Variants in DIS3L2 observed in about 807,000 individuals in gnomAD.
The protein encoded by DIS3L2 is DIS3 like 3'-5' exoribonuclease 2.
A neutral mutation model predicts 97.5 loss-of-function variants in DIS3L2; 34 were observed. The ratio of observed to expected loss-of-function variants is 0.35; its 90% CI spans 0.27 to 0.46. The LOEUF (loss-of-function observed/expected upper bound fraction) is 0.46, where lower values mean the gene tolerates loss of function less well. Among genes scored for constraint, DIS3L2 ranks in the 20% least tolerant of loss-of-function variants. The pLI is 1.00. For missense variants in DIS3L2, 1,038 were observed against 1,146.0 expected (o/e 0.91, Z 1.36); for synonymous variants, 435 against 445.2 (o/e 0.98, Z 0.29).
chr2:232,170,876 G>C (rs922663003), intron 9 of DIS3L2, among the ~76,000 whole-genome samples: 1 of 152,160 alleles, frequency 6.6e-6, no homozygotes, highest in African/African-American at 2.4e-5. Flanking sequence ...CCTTGAAATA[G>C]CAACTTGAAA....
At chr2:232,339,620 C>T (rs1396438280), downstream of DIS3L2, 2 of 428,148 alleles carry the variant, frequency 4.7e-6, no homozygotes, top group East Asian at 7.2e-5. Flanking sequence ...CTCTCCAGGC[C>T]ACTGCAGGGT....
chr2:232,258,513 G>A (rs1423889878), intron 12 of DIS3L2, among the ~76,000 whole-genome samples: 1 of 151,456 alleles, frequency 6.6e-6, no homozygotes, highest in East Asian at 1.9e-4. Context: ...GGACCCGGGA[G>A]GCGGAGGTTG....
intron 5 of DIS3L2, among the ~76,000 whole-genome samples, chr2:232,033,164 G>A (rs1435284677): frequency 3.9e-5 from 6 of 152,246 alleles, no homozygotes; most frequent in East Asian, 1.9e-4. Context: ...TTGAGCAGTC[G>A]TTTGTAGTTC....
rs777787889 is a variant in DIS3L2 at position 232,249,277 on chromosome 2, G to T, written c.1356G>T (p.Leu452=). ...TTCCCAGGCTGCTGTGTGAGGAGCTGTGCAGCCTCAACCCCATGTCCGACA... is the reference window on the plus strand; with the variant it reads ...TTCCCAGGCTGCTGTGTGAGGAGCTTTGCAGCCTCAACCCCATGTCCGACA... ...PMLPRLLCEE[L]CSLNPMSDKL... is the part of the protein sequence containing the mutation. The change falls in exon 12 of 21, where the codon CTG becomes CTT. Residue 452 remains leucine, a synonymous_variant. Transcript: ENST00000325385. 6.2e-7 allele frequency: 1 copy of T among 1,614,202 alleles called. No homozygotes were observed. The highest frequency in any genetic ancestry group is 1.1e-5 in the South Asian group (1 of 91,082).
At chr2:232,226,807 A>G (rs1692662254) in intron 10 of DIS3L2, among the ~76,000 whole-genome samples, 1 of 152,166 alleles carries the variant, frequency 6.6e-6, no homozygotes, top group Admixed American at 6.5e-5. Flanking sequence ...CGTCTCTACA[A>G]AGAATTAAAA....
At chr2:232,006,812 T>G (rs1694064980) in intron 1 of DIS3L2, among the ~76,000 whole-genome samples, 1 of 151,844 alleles carries the variant, frequency 6.6e-6, no homozygotes, top group Non-Finnish European at 1.5e-5. Flanking sequence ...AGGCCAAGGG[T>G]GAAGAATTTG....
rs934444474 is a variant in DIS3L2 at position 232,268,725 on chromosome 2, T to G, written c.1659+5285T>G. Among the ~76,000 whole-genome samples, 1 of 152,238 alleles carries G rather than the reference T, an allele frequency of 6.6e-6. No individual in the cohort carries two copies. Among genetic ancestry groups the G allele is most frequent in the Non-Finnish European group, 1.5e-5 (1 of 68,042 alleles). ...GTCATACAAAAGCAGGTTTGGCCTG[T>G]GGTCCATACTTTGCTGACCTCTGCT... is the stretch of plus-strand genomic sequence containing the variant. On this transcript the variant is annotated intron_variant, in intron 13 of 20. Coordinates refer to ENST00000325385, the MANE Select transcript of DIS3L2 (RefSeq NM_152383.5). This position sits in a 1 kb window ranked among gnomAD's most constrained non-coding sequence, Gnocchi z 4.1.
intron 13 of DIS3L2, among the ~76,000 whole-genome samples, chr2:232,278,158 A>G (rs187635548): frequency 6.6e-6 from 1 of 151,936 alleles, no homozygotes; most frequent in Non-Finnish European, 1.5e-5. Flanking sequence ...TTTGACTCGC[A>G]TTTGTTTTCC....
intron 6 of DIS3L2, among the ~76,000 whole-genome samples, chr2:232,107,846 A>G (rs1697396510): frequency 6.6e-6 from 1 of 152,202 alleles, no homozygotes. Flanking sequence ...CCAGGACTGA[A>G]CCAGGAAGAC....
chr2:232,044,887 C>T (rs1695196358), intron 5 of DIS3L2, among the ~76,000 whole-genome samples: 1 of 152,120 alleles, frequency 6.6e-6, no homozygotes, highest in South Asian at 2.1e-4. Context: ...GCCTCAGCCT[C>T]CCAAAATGCT....
At chr2:232,108,477 A>G (rs973447261) in intron 6 of DIS3L2, among the ~76,000 whole-genome samples, 1 of 152,144 alleles carries the variant, frequency 6.6e-6, no homozygotes, top group Non-Finnish European at 1.5e-5. Context: ...AGACAAGGTT[A>G]CTTGAAAACC....
At chr2:232,005,191 T>A (rs6760689) in intron 1 of DIS3L2, among the ~76,000 whole-genome samples, 14,618 of 143,596 alleles carry the variant, frequency 0.1, 1,743 homozygotes, top group African/African-American at 0.3. Flanking sequence ...TTTTTTTTTT[T>A]ATTTCACTAG....
chr2:232,155,912 C>T (rs1690481524), intron 8 of DIS3L2, among the ~76,000 whole-genome samples: 1 of 151,742 alleles, frequency 6.6e-6, no homozygotes, highest in Non-Finnish European at 1.5e-5. Flanking sequence ...ATGGTGTGAA[C>T]CCGGGAGGCG....
intron 13 of DIS3L2, among the ~76,000 whole-genome samples, chr2:232,280,534 G>A (rs2106300529): frequency 6.6e-6 from 1 of 152,318 alleles, no homozygotes; most frequent in Non-Finnish European, 1.5e-5. Context: ...TCTCATAACT[G>A]AGAGGCTTTA....
chr2:231,962,948 C>T (rs920136118), intron 1 of DIS3L2, among the ~76,000 whole-genome samples: 1 of 142,822 alleles, frequency 7.0e-6, no homozygotes, highest in Non-Finnish European at 1.5e-5. Context: ...GTATTCCATC[C>T]TGTACATCCA....
In DIS3L2 at chr2:232,244,435, G is replaced by A. The variant is rs138620530; in HGVS notation, c.1318-4804G>A. Among the ~76,000 whole-genome samples the A allele has an allele frequency of 6.4e-3, 973 of 152,320 alleles. 12 individuals are homozygous for A. The highest frequency in any genetic ancestry group is 8.5e-3 in the Admixed American group (130 of 15,298). ...ACAGAGGTAGGAAATGTAGTCAGTG[G>A]AACAGGTAAAGAAGGGAGGAAAATG... On this transcript the variant is annotated intron_variant, in intron 11 of 20. Coordinates refer to ENST00000325385, the MANE Select transcript of DIS3L2 (RefSeq NM_152383.5).
chr2:232,320,900 G>T (rs574997556), intron 14 of DIS3L2, among the ~76,000 whole-genome samples: 1 of 152,210 alleles, frequency 6.6e-6, no homozygotes, highest in Admixed American at 6.5e-5. Context: ...GAGAAGGACA[G>T]TCTGGATTCA....
intron 13 of DIS3L2, among the ~76,000 whole-genome samples, chr2:232,275,567 A>C (rs1694120101): frequency 6.6e-6 from 1 of 152,208 alleles, no homozygotes; most frequent in African/African-American, 2.4e-5. Flanking sequence ...GTATTGTAGC[A>C]CGGTTTGTTT....
chr2:232,001,577 T>C (rs1313780663), intron 1 of DIS3L2, among the ~76,000 whole-genome samples: 2 of 146,904 alleles, frequency 1.4e-5, no homozygotes, highest in Admixed American at 7.0e-5. Flanking sequence ...TTTTTTTTTT[T>C]TTTGCTTTTG....
Sources: allele counts gnomAD v4.1 joint callset (sites outside exome capture counted in the v4.1 genomes callset), GRCh38; gene constraint gnomAD v4.1.1; non-coding constraint Gnocchi (gnomAD v3.1); transcripts MANE v1.5; gene names NCBI Gene and HGNC (gene_info 2026-07-23, HGNC 2026-07-21).